Variants in GMPPB observed in about 807,000 individuals in gnomAD.
The protein encoded by GMPPB is GDP-mannose pyrophosphorylase B, also known as mannose-1-phosphate guanylyltransferase catalytic subunit beta.
Under a neutral mutation model 40.3 loss-of-function variants are expected in GMPPB, and 38 were observed. That is an observed-to-expected ratio of 0.94 (90% CI 0.73 to 1.24). GMPPB has a LOEUF of 1.24. Among genes scored for constraint, GMPPB ranks in the 50% most tolerant of loss-of-function variants. GMPPB has a pLI of 0.00. For missense variants in GMPPB, 436 were observed against 487.1 expected (o/e 0.90, Z 0.99); for synonymous variants, 193 against 191.8 (o/e 1.01, Z -0.05).
Position 49,720,577 on chromosome 3 carries a change from C to A in GMPPB, c.*1175G>T. 1 of 1,612,188 alleles carries A rather than the reference C, an allele frequency of 6.2e-7. No individual in the cohort carries two copies. The highest frequency in any genetic ancestry group is 8.5e-7 in the Non-Finnish European group (1 of 1,178,874). ...TCCAGCTACGCTCAATATGCTATCT[C>A]CTGGGACAGCCAGAGCCCCCAGCAC... On this transcript the variant is annotated 3_prime_UTR_variant, in exon 9 of 9. Transcript: ENST00000308388.
rs983201820 is a variant in GMPPB at position 49,720,289 on chromosome 3, C to G, written c.*1463G>C. The G allele has an allele frequency of 2.7e-6, 1 of 371,746 alleles. No individual in the cohort carries two copies. The highest frequency in any genetic ancestry group is 4.7e-6 in the Non-Finnish European group (1 of 210,676). The allele number at this position is 371,746 out of a possible 1,614,324, so 23.0% of individuals were successfully genotyped here. A position where few individuals can be genotyped will look rare whatever the true frequency, so the allele number is the denominator to read the frequency against. ...CGAGATCGTGCCATCGCACTCCAGC[C>G]TGGGCAACAGAGCGAGACTCGTCTC... is the stretch of plus-strand genomic sequence containing the variant. On this transcript the variant is annotated 3_prime_UTR_variant, in exon 9 of 9. Coordinates refer to ENST00000308388, the MANE Select transcript of GMPPB (RefSeq NM_021971.4).
Position 49,722,088 on chromosome 3 carries a change from A to G in GMPPB, c.828T>C (p.Pro276=), listed in dbSNP as rs200706198. 1 of 1,613,616 alleles carries G rather than the reference A, an allele frequency of 6.2e-7. No individual in the cohort carries two copies. Among genetic ancestry groups the G allele is most frequent in the South Asian group, 1.1e-5 (1 of 91,086 alleles). ...ACACACCATCTTCGACCACCACGCC[A>G]GGTCCCAGGCTCACATTGGGGCCAA... The part of the protein sequence containing the change: ...CSIGPNVSLG[P]GVVVEDGVCI... Residue 276 remains proline, a synonymous_variant, in exon 8 of 9, where the codon CCT becomes CCC. Transcript: ENST00000308388.
intron 4 of GMPPB, 103 bp downstream of exon 4, chr3:49,722,869 A>G: frequency 6.7e-7 from 1 of 1,496,440 alleles, no homozygotes; most frequent in Non-Finnish European, 9.1e-7. Flanking sequence ...CATACTGCAC[A>G]GCTCTGTATC....
chr3:49,720,183 G>T lies in GMPPB; in HGVS notation c.*1569C>A. 1 of 185,540 alleles carries T rather than the reference G, an allele frequency of 5.4e-6. No homozygotes were observed. Among genetic ancestry groups the T allele is most frequent in the Middle Eastern group, 2.1e-3 (1 of 472 alleles). The allele number at this position is 185,540 out of a possible 1,614,324, so 11.5% of individuals were successfully genotyped here. On this transcript the variant is annotated 3_prime_UTR_variant, in exon 9 of 9. Coordinates refer to ENST00000308388, the MANE Select transcript of GMPPB (RefSeq NM_021971.4). ...ATACAACAATTAGCCGGGCGTGGTG[G>T]TGGGCGTCTGCAATTCCAGCTACTC...
In GMPPB at chr3:49,721,947, C is replaced by A. The variant is rs2108210687; in HGVS notation, c.951+18G>T. 2 of 1,613,332 alleles carry A rather than the reference C, an allele frequency of 1.2e-6. No homozygotes were observed. Among genetic ancestry groups the A allele is most frequent in the Non-Finnish European group, 8.5e-7 (1 of 1,179,760 alleles). On this transcript the variant is annotated intron_variant, in intron 8 of 8. Coordinates refer to ENST00000308388, the MANE Select transcript of GMPPB (RefSeq NM_021971.4). ...ACTCCCCGCCCCTCTCCCCACCCAG[C>A]CCAGCCCACAGGCTTACCCACTGAC...
In GMPPB at chr3:49,723,844, C is replaced by T; in HGVS notation, c.-118G>A. On this transcript the variant is annotated 5_prime_UTR_variant, in exon 1 of 9. Coordinates refer to ENST00000308388, the MANE Select transcript of GMPPB (RefSeq NM_021971.4). ...GGCCCCGCGCCCTTCACCAACCCGCCTGACAGACTCTGGCTCCACCTCGTC... is the reference window on the plus strand; with the variant it reads ...GGCCCCGCGCCCTTCACCAACCCGCTTGACAGACTCTGGCTCCACCTCGTC... The T allele has an allele frequency of 8.4e-7, 1 of 1,196,732 alleles. No homozygotes were observed. The highest frequency in any genetic ancestry group is 1.1e-6 in the Non-Finnish European group (1 of 885,170). 74.1% of individuals were successfully genotyped at this position (1,196,732 alleles called of 1,614,324 possible).
In GMPPB at chr3:49,723,126, G is replaced by C; in HGVS notation, c.260-12C>G. The C allele has an allele frequency of 6.2e-7, 1 of 1,613,736 alleles. No homozygotes were observed. The highest frequency in any genetic ancestry group is 1.1e-5 in the South Asian group (1 of 91,054). On this transcript the variant is annotated splice_polypyrimidine_tract_variant and intron_variant, in intron 3 of 8. Transcript: ENST00000308388. ...CGCCAGGGGCCCAGCTGGGGGAAGG[G>C]GACAGGTCACCACCTTGCTGGAGGT...
Position 49,721,645 on chromosome 3 carries a change from G to C in GMPPB, c.*107C>G. On this transcript the variant is annotated 3_prime_UTR_variant, in exon 9 of 9. Transcript: ENST00000308388. ...TGTCCAACAGCTTCAGCTTCACCCA[G>C]TGCCCCCCAGACAAATAATGACAAG... 9.0e-7 allele frequency: 1 copy of C among 1,109,726 alleles called. No individual in the cohort carries two copies. The highest frequency in any genetic ancestry group is 1.3e-6 in the Non-Finnish European group (1 of 761,318). The allele number at this position is 1,109,726 out of a possible 1,614,324, so 68.7% of individuals were successfully genotyped here. A position where few individuals can be genotyped will look rare whatever the true frequency, so the allele number is the denominator to read the frequency against.
rs10632591 is a variant in GMPPB at position 49,720,159 on chromosome 3, T to TACA, written c.*1590_*1592dup. 86,274 of 162,940 alleles carry TACA rather than the reference T, an allele frequency of 0.53. 23,806 individuals carry two copies. The highest frequency in any genetic ancestry group is 0.82 in the East Asian group (4,616 of 5,656). 10.1% of individuals were successfully genotyped at this position (162,940 alleles called of 1,614,324 possible). A position where few individuals can be genotyped will look rare whatever the true frequency, so the allele number is the denominator to read the frequency against. On this transcript the variant is annotated 3_prime_UTR_variant, in exon 9 of 9. Coordinates refer to ENST00000308388, the MANE Select transcript of GMPPB (RefSeq NM_021971.4). ...GGTGAAACCCTGTCTCTACTAAAAA[T>TACA]ACAACAATTAGCCGGGCGTGGTGGT...
Position 49,722,454 on chromosome 3 carries a change from C to T in GMPPB, c.618G>A (p.Gln206=), listed in dbSNP as rs2108211544. Residue 206 remains glutamine, a synonymous_variant, in exon 6 of 9, where the codon CAG becomes CAA. Transcript: ENST00000308388. ...EVFPIMAKEG[Q]LYAMELQGFW... ...CACCCTGTAACTCCATGGCATATAG[C>T]TGCCCCTCCTTGGCCATAATGGGGA... 6.2e-7 allele frequency: 1 copy of T among 1,614,194 alleles called. No homozygotes were observed. Among genetic ancestry groups the T allele is most frequent in the Non-Finnish European group, 8.5e-7 (1 of 1,180,024 alleles).
chr3:49,721,415 C>A lies in GMPPB; in HGVS notation c.*337G>T. 7.1e-7 allele frequency: 1 copy of A among 1,406,712 alleles called. No homozygotes were observed. Among genetic ancestry groups the A allele is most frequent in the Non-Finnish European group, 1.0e-6 (1 of 992,502 alleles). 87.1% of individuals were successfully genotyped at this position (1,406,712 alleles called of 1,614,324 possible). On this transcript the variant is annotated 3_prime_UTR_variant, in exon 9 of 9. Coordinates refer to ENST00000308388, the MANE Select transcript of GMPPB (RefSeq NM_021971.4). ...CTCCTGTATCCCACACCACCACATC[C>A]AACCTCCTTGCCTGCCTGTATCCTC...
Position 49,722,439 on chromosome 3 carries a change from C to T in GMPPB, c.633G>A (p.Glu211=), listed in dbSNP as rs138421654. The stretch of plus-strand genomic sequence containing the variant: ...GTGGCCTCCCTGCCTCACCCTGTAA[C>T]TCCATGGCATATAGCTGCCCCTCCT... The part of the protein sequence containing the change: ...MAKEGQLYAM[E]LQGFWMDIGQ... Residue 211 remains glutamate, a synonymous_variant, in exon 6 of 9, where the codon GAG becomes GAA. Transcript: ENST00000308388. 6 of 1,614,218 alleles carry T rather than the reference C, an allele frequency of 3.7e-6. No individual in the cohort carries two copies. Among genetic ancestry groups the T allele is most frequent in the Non-Finnish European group, 5.1e-6 (6 of 1,180,036 alleles).
rs146287156 is a variant in GMPPB at position 49,722,500 on chromosome 3, G to A, written c.572C>T (p.Thr191Met). 2.2e-5 allele frequency: 36 copies of A among 1,614,042 alleles called. No homozygotes were observed. Among genetic ancestry groups the A allele is most frequent in the South Asian group, 8.8e-5 (8 of 91,088 alleles). The stretch of plus-strand genomic sequence containing the variant: ...GGGGAAGACCTCCTTCTCAATGGAC[G>A]TAGGCTGCAGCTGTGGGAGTGGGCA... ...AVLQRIQLQP[T>M]SIEKEVFPIM... is the part of the protein sequence containing the mutation. Residue 191 changes from threonine (T) to methionine (M), a missense_variant, in exon 6 of 9, where the codon ACG becomes ATG. Physicochemically the swap from Thr to Met is moderately conservative, Grantham distance 81 (BLOSUM62 -1). Transcript: ENST00000308388.
Position 49,723,933 on chromosome 3 carries a change from G to T in GMPPB, c.-207C>A, listed in dbSNP as rs186586241. On this transcript the variant is annotated 5_prime_UTR_variant, in exon 1 of 9. Transcript: ENST00000308388. ...ACACAGAACGCGACACCGGGTAGACGGCTGCTGGCCCCGAACTCAGGCCGG... is the reference window on the plus strand; with the variant it reads ...ACACAGAACGCGACACCGGGTAGACTGCTGCTGGCCCCGAACTCAGGCCGG... 2.8e-5 allele frequency: 14 copies of T among 502,958 alleles called. No homozygotes were observed. Among genetic ancestry groups the T allele is most frequent in the Non-Finnish European group, 3.7e-5 (11 of 294,458 alleles). The allele number at this position is 502,958 out of a possible 1,614,324, so 31.2% of individuals were successfully genotyped here. A position where few individuals can be genotyped will look rare whatever the true frequency, so the allele number is the denominator to read the frequency against.
rs373645292 is a variant in GMPPB at position 49,722,275 on chromosome 3, C to G, written c.724G>C (p.Glu242Gln). ...ATGCCAGGGCCTGAGCACAGCCGCT[C>G]AGGCTGCTTCTGCCTCAGTGACTGC... Reference protein sequence around the residue: ...FLQSLRQKQPERLCSGPGIVG... With the variant: ...FLQSLRQKQPQRLCSGPGIVG... The change falls in exon 7 of 9, where the codon GAG becomes CAG. Residue 242 changes from glutamate to glutamine, a missense_variant. Transcript: ENST00000308388. The G allele has an allele frequency of 6.2e-7, 1 of 1,613,996 alleles. No individual in the cohort carries two copies. Among genetic ancestry groups the G allele is most frequent in the Non-Finnish European group, 8.5e-7 (1 of 1,180,010 alleles).
At position 49,720,350 on chromosome 3, in the gene GMPPB, T is replaced by A. The variant is rs2080372068; in HGVS notation, c.*1402A>T. On this transcript the variant is annotated 3_prime_UTR_variant, in exon 9 of 9. Transcript: ENST00000308388. ...AAAAAAAAACAGGCTGTGTGGCACC[T>A]TACTAGAATACAGGACTTGGGGTTT... The A allele has an allele frequency of 1.7e-6, 1 of 580,832 alleles. No individual in the cohort carries two copies. The highest frequency in any genetic ancestry group is 4.6e-5 in the South Asian group (1 of 21,706). 36.0% of individuals were successfully genotyped at this position (580,832 alleles called of 1,614,324 possible).
chr3:49,720,676 TC>T lies in GMPPB; in HGVS notation c.*1075del. On this transcript the variant is annotated 3_prime_UTR_variant, in exon 9 of 9. Coordinates refer to ENST00000308388, the MANE Select transcript of GMPPB (RefSeq NM_021971.4). The stretch of plus-strand genomic sequence containing the variant: ...GCTGTGAGTGGGCTGGTGGGGCAGG[TC>T]AGGGAAATCTGGGGCTGGGTCGGGT... 1 of 1,595,036 alleles carries T rather than the reference TC, an allele frequency of 6.3e-7. No homozygotes were observed. Among genetic ancestry groups the T allele is most frequent in the East Asian group, 2.2e-5 (1 of 44,480 alleles).
In GMPPB at chr3:49,723,721, CT is replaced by C; in HGVS notation, c.5del (p.Lys2ArgfsTer3). On this transcript the variant is annotated frameshift_variant, in exon 1 of 9. Transcript: ENST00000308388. LOFTEE classifies it high-confidence loss of function. The part of the protein sequence containing the change: M[K>X]ALILVGGYGT... ...CATAGCCCCCCACTAAGATCAGTGC[CT>C]TCATCGCGCCTGCGGACGTTGAGGG... is the stretch of plus-strand genomic sequence containing the variant. 6.3e-7 allele frequency: 1 copy of C among 1,587,844 alleles called. No homozygotes were observed. The highest frequency in any genetic ancestry group is 8.5e-7 in the Non-Finnish European group (1 of 1,170,726).
Position 49,721,784 on chromosome 3 carries a change from C to T in GMPPB, c.1051G>A (p.Glu351Lys), listed in dbSNP as rs944037406. ...ASVLPHKSIG[E>K]SVPEPRIIM Reference sequence around the variant, plus strand: ...ATGATACGAGGCTCTGGCACTGACTCGCCAATAGACTTGTGGGGCAGCACG... The same window carrying T: ...ATGATACGAGGCTCTGGCACTGACTTGCCAATAGACTTGTGGGGCAGCACG... Residue 351 changes from glutamate (E) to lysine (K), a missense_variant, in exon 9 of 9, where the codon GAG (glutamate) becomes AAG (lysine). Glu to Lys is a moderately conservative substitution (Grantham distance 56). Transcript: ENST00000308388. The T allele has an allele frequency of 2.5e-6, 4 of 1,609,796 alleles. No homozygotes were observed. Among genetic ancestry groups the T allele is most frequent in the Admixed American group, 3.3e-5 (2 of 59,974 alleles).
Sources: allele counts gnomAD v4.1 joint callset, GRCh38; gene constraint gnomAD v4.1.1; transcripts MANE v1.5; gene names NCBI Gene and HGNC (gene_info 2026-07-23, HGNC 2026-07-21).